The following NFATC2 variants were observed in gnomAD, a reference collection of about 807,000 sequenced individuals.
The protein encoded by NFATC2 is nuclear factor of activated T cells 2, also known as nuclear factor of activated T-cells, cytoplasmic 2.
A neutral mutation model predicts 87.3 loss-of-function variants in NFATC2; 22 were observed. The ratio of observed to expected loss-of-function variants is 0.25; its 90% confidence interval spans 0.18 to 0.36. The LOEUF is 0.36. Ranked by LOEUF, NFATC2 falls within the 10% of genes least tolerant of loss-of-function variation. The probability of loss-of-function intolerance (pLI) is 1.00; values close to 1 mark genes in which losing one functional copy is unlikely to be tolerated. For missense variants in NFATC2, 1,149 were observed against 1,259.1 expected (o/e 0.91, Z 1.32); for synonymous variants, 565 against 542.2 (o/e 1.04, Z -0.58).
chr20:51,514,085 G>A (rs2076314221), intron 3 of NFATC2, among the ~76,000 whole-genome samples: 1 of 152,244 alleles, frequency 6.6e-6, no homozygotes, highest in Non-Finnish European at 1.5e-5. Flanking sequence ...CACATATGCA[G>A]CACTTGGAAC....
chr20:51,469,201 G>C (rs1987972782), intron 5 of NFATC2, among the ~76,000 whole-genome samples: 1 of 152,084 alleles, frequency 6.6e-6, no homozygotes, highest in African/African-American at 2.4e-5. Context: ...TGTTTTTGTA[G>C]AGATGGGTTT....
intron 9 of NFATC2, among the ~76,000 whole-genome samples, chr20:51,403,102 G>A (rs1165394723): frequency 6.6e-6 from 1 of 152,202 alleles, no homozygotes; most frequent in Admixed American, 6.5e-5. Context: ...CGTCCTGGAA[G>A]CAGAGGCATC....
At position 51,523,920 on chromosome 20, in the gene NFATC2, C is replaced by T. The variant is rs568487915; in HGVS notation, c.321G>A (p.Ser107=). 4.1e-5 allele frequency: 66 copies of T among 1,603,084 alleles called. No homozygotes were observed. The highest frequency in any genetic ancestry group is 3.3e-4 in the Middle Eastern group (2 of 6,022). Residue 107 remains serine, a synonymous_variant, in exon 2 of 11, where the codon TCG becomes TCA. Transcript: ENST00000371564. The surrounding 1 kb of genome is among the most constrained non-coding windows in gnomAD (Gnocchi z 6.9). ...TGATCTCGATCCGAGGGCTCAGGCC[C>T]GAGGCCCCTGCTGGCTTGGCCGCGC... ...FLSAAKPAGA[S]GLSPRIEITP... is the part of the protein sequence containing the mutation.
intron 3 of NFATC2, among the ~76,000 whole-genome samples, chr20:51,503,628 C>G (rs1158030101): frequency 6.6e-6 from 1 of 152,224 alleles, no homozygotes; most frequent in East Asian, 1.9e-4. Flanking sequence ...AGGCCACTCA[C>G]AGGAGGACAT....
intron 5 of NFATC2, among the ~76,000 whole-genome samples, chr20:51,464,246 A>G (rs888660775): frequency 2.0e-5 from 3 of 152,212 alleles, no homozygotes; most frequent in Admixed American, 6.5e-5. Flanking sequence ...CACAAAGGCC[A>G]CCACAAAGGA....
In NFATC2 at chr20:51,517,862, A is replaced by C. The variant is rs1316545745; in HGVS notation, c.1161-907T>G. ...AACTTGGGAGGTGGAGGTTGCAGTCAGCTGAAATTGCGCCACTGCACTTTA... is the reference window on the plus strand; with the variant it reads ...AACTTGGGAGGTGGAGGTTGCAGTCCGCTGAAATTGCGCCACTGCACTTTA... On this transcript the variant is annotated intron_variant, in intron 2 of 10. Coordinates refer to ENST00000371564, the MANE Select transcript of NFATC2 (RefSeq NM_012340.5). Among the ~76,000 whole-genome samples the C allele has an allele frequency of 2.0e-5, 3 of 151,360 alleles. No homozygotes were observed. In the East Asian group the frequency reaches 5.8e-4, roughly 29 times the overall value.
intron 3 of NFATC2, among the ~76,000 whole-genome samples, chr20:51,508,284 C>T (rs1283607042): frequency 6.6e-6 from 1 of 152,094 alleles, no homozygotes; most frequent in Non-Finnish European, 1.5e-5. Flanking sequence ...CTGCGCCAGC[C>T]CCGACCCTGG....
At chr20:51,508,948 C>T (rs947929950) in intron 3 of NFATC2, among the ~76,000 whole-genome samples, 1 of 152,124 alleles carries the variant, frequency 6.6e-6, no homozygotes, top group Non-Finnish European at 1.5e-5. Flanking sequence ...TACGTCAAGC[C>T]AGGCCCTCCC....
At chr20:51,522,988 T>C in intron 2 of NFATC2, 93 bp downstream of exon 2, 1 of 1,527,006 alleles carries the variant, frequency 6.5e-7, no homozygotes, top group Non-Finnish European at 8.9e-7. Context: ...TTAAAGTCAG[T>C]CTTAAACCTG....
intron 1 of NFATC2, among the ~76,000 whole-genome samples, chr20:51,529,354 G>A (rs1041283280): frequency 1.1e-4 from 13 of 121,120 alleles, no homozygotes; most frequent in East Asian, 2.2e-4. Flanking sequence ...TAATCCAAGC[G>A]GCAGTTTTTT....
chr20:51,416,091 G>A (rs1009418631), intron 9 of NFATC2, among the ~76,000 whole-genome samples: 5 of 152,090 alleles, frequency 3.3e-5, no homozygotes, highest in African/African-American at 9.6e-5. Flanking sequence ...GCGAGACCCC[G>A]TCTCTACTAA....
intron 9 of NFATC2, among the ~76,000 whole-genome samples, chr20:51,399,724 A>G (rs1045536554): frequency 5.9e-5 from 9 of 152,136 alleles, no homozygotes; most frequent in African/African-American, 2.2e-4. Flanking sequence ...CCATCTCCCA[A>G]AGCAAACATT....
At chr20:51,457,946 T>C (rs1399542617) in intron 5 of NFATC2, among the ~76,000 whole-genome samples, 1 of 149,318 alleles carries the variant, frequency 6.7e-6, no homozygotes, top group Non-Finnish European at 1.5e-5. Flanking sequence ...AGTACAGTGG[T>C]GGCATCACGG....
intron 1 of NFATC2, among the ~76,000 whole-genome samples, chr20:51,553,625 G>A (rs1023834834): frequency 1.4e-5 from 2 of 142,174 alleles, no homozygotes; most frequent in Non-Finnish European, 3.0e-5. Flanking sequence ...GCAGTGAGCC[G>A]AGATCATGCC....
At position 51,477,837 on chromosome 20, in the gene NFATC2, G is replaced by A. The variant is rs531958741; in HGVS notation, c.1333-2177C>T. 3.8e-4 allele frequency among the ~76,000 whole-genome samples: 57 copies of A among 151,976 alleles called. 1 individual carries two copies. The South Asian group carries it at 6.7e-3, about 18-fold the overall frequency. On this transcript the variant is annotated intron_variant, in intron 3 of 10. Transcript: ENST00000371564. ...ATGGTTACATATGGTCTAGAATTGTGCAATCTAATGCAAGAGCCACTAACC... is the reference window on the plus strand; with the variant it reads ...ATGGTTACATATGGTCTAGAATTGTACAATCTAATGCAAGAGCCACTAACC...
In NFATC2 at chr20:51,430,047, G is replaced by C. The variant is rs1055647383; in HGVS notation, c.2722+2020C>G. Among the ~76,000 whole-genome samples, 5 of 152,114 alleles carry C rather than the reference G, an allele frequency of 3.3e-5. No homozygotes were observed. The South Asian group carries it at 1.0e-3, about 32-fold the overall frequency. On this transcript the variant is annotated intron_variant, in intron 9 of 10. Transcript: ENST00000371564. ...AAACGGCAAGGACATCTGTGGATCC[G>C]GGGCTGCCATAGCCAGTCATGACCA...
intron 3 of NFATC2, among the ~76,000 whole-genome samples, chr20:51,482,852 T>C (rs1428289649): frequency 1.3e-5 from 2 of 152,376 alleles, no homozygotes; most frequent in African/African-American, 2.4e-5. Flanking sequence ...ACTGTCTCCA[T>C]TGACTAAGAT....
At chr20:51,544,877 T>C (rs1459403709), upstream of NFATC2, among the ~76,000 whole-genome samples, 1 of 152,206 alleles carries the variant, frequency 6.6e-6, no homozygotes, top group African/African-American at 2.4e-5. Context: ...GCCTGGGGGC[T>C]GGCTCAGGAA....
intron 3 of NFATC2, among the ~76,000 whole-genome samples, chr20:51,487,677 C>T (rs1989830807): frequency 6.6e-6 from 1 of 152,110 alleles, no homozygotes; most frequent in East Asian, 1.9e-4. Context: ...TGCAGGACAG[C>T]CGGCCGAGCC....
Sources: gnomAD v4.1 joint callset for allele counts (sites outside exome capture counted in the v4.1 genomes callset) on GRCh38, gnomAD v4.1.1 for gene constraint, Gnocchi (gnomAD v3.1) non-coding constraint, MANE v1.5 for transcripts, NCBI Gene and HGNC (gene_info 2026-07-23, HGNC 2026-07-21) for gene names.